The following WDR5 variants were observed in gnomAD, a reference collection of about 807,000 sequenced individuals.
WDR5 encodes WD repeat domain 5.
For missense variants in WDR5, 187 were observed against 416.9 expected (o/e 0.45, Z 4.80); for synonymous variants, 144 against 161.6 (o/e 0.89, Z 0.83).
At chr9:134,150,045 A>G (rs558188970) in intron 8 of WDR5, among the ~76,000 whole-genome samples, 9 of 152,292 alleles carry the variant, frequency 5.9e-5, no homozygotes, top group Admixed American at 3.3e-4. Context: ...GCTTATCCCA[A>G]CGATTCGAGA....
intron 5 of WDR5, 25 bp downstream of exon 5, chr9:134,142,063 C>G: frequency 1.9e-6 from 3 of 1,608,516 alleles, no homozygotes; most frequent in South Asian, 1.1e-5. Context: ...GTGCTTCTCT[C>G]CAGGGGAGAC....
intron 10 of WDR5, 40 bp downstream of exon 10, chr9:134,154,581 TC>T (rs1416724335): frequency 4.4e-6 from 7 of 1,601,772 alleles, no homozygotes; most frequent in Non-Finnish European, 6.0e-6. Flanking sequence ...GCATGTGGCC[TC>T]CCCAGCCAGA....
intron 8 of WDR5, among the ~76,000 whole-genome samples, chr9:134,150,953 C>A (rs1346198893): frequency 6.6e-6 from 1 of 152,138 alleles, no homozygotes; most frequent in Non-Finnish European, 1.5e-5. Context: ...AGGAATGCGG[C>A]TAGTGAGAAG....
intron 3 of WDR5, among the ~76,000 whole-genome samples, chr9:134,141,058 C>T (rs1423550368): frequency 3.3e-5 from 5 of 151,986 alleles, no homozygotes; most frequent in African/African-American, 7.3e-5. Context: ...CAGAGGCAGG[C>T]GGATCACGAG....
Position 134,143,308 on chromosome 9 carries a change from A to T in WDR5, c.528+589A>T, listed in dbSNP as rs1018436147. On this transcript the variant is annotated intron_variant, in intron 7 of 13. Transcript: ENST00000358625. ...GCAATCCCAGCACTTTGGGAGGCCG[A>T]GGCGGGTGGATCACTTGAGGTCAGA... Among the ~76,000 whole-genome samples the T allele has an allele frequency of 2.0e-5, 3 of 152,168 alleles. No homozygotes were observed. In the East Asian group the frequency reaches 5.8e-4, roughly 30 times the overall value.
chr9:134,155,795 A>C, intron 12 of WDR5, 28 bp downstream of exon 12: 259 of 1,604,468 alleles, frequency 1.6e-4, no homozygotes, highest in Non-Finnish European at 2.1e-4. Context: ...GAAGCGTCTC[A>C]CCTGTTCCCA....
chr9:134,154,845 A>G (rs1476129659), intron 10 of WDR5, among the ~76,000 whole-genome samples: 7 of 152,208 alleles, frequency 4.6e-5, no homozygotes, highest in African/African-American at 7.2e-5. Context: ...GGGGGCCTCC[A>G]AGGCCCTTTC....
intron 7 of WDR5, among the ~76,000 whole-genome samples, chr9:134,144,358 A>G (rs1832059820): frequency 1.3e-5 from 2 of 152,202 alleles, no homozygotes; most frequent in South Asian, 4.1e-4. Context: ...GCTGACCTTC[A>G]GACTGGGGCT....
intron 7 of WDR5, among the ~76,000 whole-genome samples, chr9:134,147,506 C>T (rs1434270383): frequency 1.3e-5 from 2 of 152,168 alleles, no homozygotes; most frequent in African/African-American, 4.8e-5. Context: ...TGCACAGGGG[C>T]AGTACCACCC....
chr9:134,146,034 A>G (rs1430689042), intron 7 of WDR5, among the ~76,000 whole-genome samples: 1 of 149,300 alleles, frequency 6.7e-6, no homozygotes, highest in Non-Finnish European at 1.5e-5. Context: ...GTGTGATCTC[A>G]GCTCACTGCA....
chr9:134,146,857 GC>G (rs1832232696), intron 7 of WDR5, among the ~76,000 whole-genome samples: 1 of 152,224 alleles, frequency 6.6e-6, no homozygotes. Context: ...ACTTTGAGAG[GC>G]TGCCGGCCAG....
At chr9:134,142,613 A>G (rs1831952672) in intron 6 of WDR5, 23 bp from the exon 7 acceptor site, 1 of 1,613,580 alleles carries the variant, frequency 6.2e-7, no homozygotes, top group Non-Finnish European at 8.5e-7. Context: ...CTGTAAAATC[A>G]CTGTCATCTC....
chr9:134,149,561 G>A lies in WDR5; in HGVS notation c.584+1218G>A, dbSNP rs546239536. On this transcript the variant is annotated intron_variant, in intron 8 of 13. Coordinates refer to ENST00000358625, the MANE Select transcript of WDR5 (RefSeq NM_017588.3). The stretch of plus-strand genomic sequence containing the variant: ...AGGGCCTCTCTGGTGCCACCCTCCC[G>A]GCCCCTCTGTGTGTGTGTCACCAAC... Among the ~76,000 whole-genome samples, 7 of 152,294 alleles carry A rather than the reference G, an allele frequency of 4.6e-5. No homozygotes were observed. In the East Asian group the frequency reaches 7.7e-4, roughly 17 times the overall value.
intron 5 of WDR5, 65 bp from the exon 6 acceptor site, chr9:134,142,268 T>C: frequency 6.5e-7 from 1 of 1,529,560 alleles, no homozygotes; most frequent in Non-Finnish European, 9.0e-7. Context: ...CATTGATGAA[T>C]GTGACCTGAC....
At chr9:134,145,826 A>C (rs893298983) in intron 7 of WDR5, among the ~76,000 whole-genome samples, 1 of 151,846 alleles carries the variant, frequency 6.6e-6, no homozygotes, top group Non-Finnish European at 1.5e-5. Flanking sequence ...AGCTTCTGCT[A>C]CTGCTTGTCT....
At chr9:134,137,379 G>A (rs1382189355) in intron 1 of WDR5, among the ~76,000 whole-genome samples, 1 of 152,090 alleles carries the variant, frequency 6.6e-6, no homozygotes, top group Non-Finnish European at 1.5e-5. Flanking sequence ...ACACCTGAGT[G>A]TTCATGAAAA....
chr9:134,138,243 G>C (rs147411233), intron 1 of WDR5, among the ~76,000 whole-genome samples: 3 of 152,322 alleles, frequency 2.0e-5, no homozygotes, highest in African/African-American at 7.2e-5. Flanking sequence ...ATGCTGACAG[G>C]AGCTGCTCGG....
Position 134,154,555 on chromosome 9 carries a change from G to A in WDR5, c.707+14G>A. ...CACGCTGGACAAGTGAGTACTGCGT[G>A]GGACTGTGGGGGCGGGCATGTGGCC... On this transcript the variant is annotated intron_variant, in intron 10 of 13. Coordinates refer to ENST00000358625, the MANE Select transcript of WDR5 (RefSeq NM_017588.3). 6.2e-7 allele frequency: 1 copy of A among 1,613,822 alleles called. No homozygotes were observed.
chr9:134,141,912 T>C, intron 4 of WDR5, 37 bp from the exon 5 acceptor site: 1 of 1,594,732 alleles, frequency 6.3e-7, no homozygotes. Flanking sequence ...TCCTATTTTG[T>C]CCTGTCAAGT....
Sources: gnomAD v4.1 joint callset for allele counts (sites outside exome capture counted in the v4.1 genomes callset) on GRCh38, gnomAD v4.1.1 for gene constraint, MANE v1.5 for transcripts, NCBI Gene and HGNC (gene_info 2026-07-23, HGNC 2026-07-21) for gene names.